EXOC4: variants seen among roughly 807,000 people sequenced by gnomAD.
EXOC4 encodes SEC8-like 1.
Under a neutral mutation model 107.2 loss-of-function variants are expected in EXOC4, and 71 were observed. That is an observed-to-expected ratio of 0.66 (90% CI 0.55 to 0.81). The LOEUF is 0.81. Ranked by LOEUF, EXOC4 falls within the 30% of genes least tolerant of loss-of-function variation. The pLI is 0.00. For missense variants in EXOC4, 1,108 were observed against 1,189.6 expected (o/e 0.93, Z 1.01); for synonymous variants, 456 against 441.2 (o/e 1.03, Z -0.42).
Position 133,469,411 on chromosome 7 carries a change from AT to A in EXOC4, c.1183-5916del, listed in dbSNP as rs374774660. On this transcript the variant is annotated intron_variant, in intron 7 of 17. Transcript: ENST00000253861. Reference sequence around the variant, plus strand: ...AGCCTGGATGACAGAGTGAGACTCCATCTTAAAAATAAATAAATAAATGAAA... The same window carrying A: ...AGCCTGGATGACAGAGTGAGACTCCACTTAAAAATAAATAAATAAATGAAA... Among the ~76,000 whole-genome samples, 439 of 152,232 alleles carry A rather than the reference AT, an allele frequency of 2.9e-3. 3 individuals are homozygous for A. The highest frequency in any genetic ancestry group is 0.01 in the African/African-American group (419 of 41,542).
chr7:133,840,169 TA>T (rs1358109443), intron 11 of EXOC4, among the ~76,000 whole-genome samples: 3 of 152,220 alleles, frequency 2.0e-5, no homozygotes, highest in Non-Finnish European at 4.4e-5. Context: ...GGGGAATAGA[TA>T]CATTTTCATA....
At chr7:133,848,945 G>C (rs1798188847) in intron 11 of EXOC4, among the ~76,000 whole-genome samples, 1 of 152,134 alleles carries the variant, frequency 6.6e-6, no homozygotes, top group African/African-American at 2.4e-5. Flanking sequence ...AGTAAATACA[G>C]TTTTGTTATA....
intron 10 of EXOC4, among the ~76,000 whole-genome samples, chr7:133,691,249 G>A (rs1794412490): frequency 6.6e-6 from 1 of 152,204 alleles, no homozygotes; most frequent in Admixed American, 6.5e-5. Context: ...AGCAGCCATT[G>A]ATGTTAGTGG....
intron 7 of EXOC4, among the ~76,000 whole-genome samples, chr7:133,462,879 C>T (rs971002434): frequency 1.3e-5 from 2 of 152,026 alleles, no homozygotes. Flanking sequence ...GGAACTCATC[C>T]TATAGAGGTT....
intron 10 of EXOC4, among the ~76,000 whole-genome samples, chr7:133,759,085 C>T (rs1795979400): frequency 6.6e-6 from 1 of 152,062 alleles, no homozygotes; most frequent in Admixed American, 6.6e-5. Flanking sequence ...CCAAAAAACC[C>T]CTACGGGCAC....
At chr7:133,537,956 CCTTT>C (rs750608826) in intron 9 of EXOC4, among the ~76,000 whole-genome samples, 5 of 151,996 alleles carry the variant, frequency 3.3e-5, no homozygotes, top group Non-Finnish European at 7.4e-5. Context: ...ATAAATGTTT[CCTTT>C]CTTTAGTAGG....
At chr7:134,013,991 G>C (rs889540524) in intron 17 of EXOC4, among the ~76,000 whole-genome samples, 9 of 152,164 alleles carry the variant, frequency 5.9e-5, no homozygotes, top group Admixed American at 3.3e-4. Flanking sequence ...GTTAAACATA[G>C]AGTTATGGTA....
chr7:133,507,993 G>A (rs924138186), intron 9 of EXOC4, among the ~76,000 whole-genome samples: 1 of 152,110 alleles, frequency 6.6e-6, no homozygotes, highest in Non-Finnish European at 1.5e-5. Context: ...CTGGAAGGCA[G>A]AGGTTGCAGT....
At chr7:133,529,926 C>T (rs1231080454) in intron 9 of EXOC4, among the ~76,000 whole-genome samples, 1 of 152,136 alleles carries the variant, frequency 6.6e-6, no homozygotes, top group African/African-American at 2.4e-5. Context: ...GAAGAAAATA[C>T]CAACCTCTCC....
intron 9 of EXOC4, among the ~76,000 whole-genome samples, chr7:133,585,942 G>A (rs1394242636): frequency 6.6e-6 from 1 of 152,090 alleles, no homozygotes; most frequent in Non-Finnish European, 1.5e-5. Flanking sequence ...TGATCTGCCT[G>A]CCTCGGCCTC....
At chr7:133,307,040 A>G (rs1794768367) in intron 4 of EXOC4, among the ~76,000 whole-genome samples, 1 of 152,202 alleles carries the variant, frequency 6.6e-6, no homozygotes, top group Non-Finnish European at 1.5e-5. Flanking sequence ...TTCAGAGGGC[A>G]TTTCAGCACT....
At chr7:133,816,829 C>T (rs1040480010) in intron 10 of EXOC4, among the ~76,000 whole-genome samples, 5 of 152,138 alleles carry the variant, frequency 3.3e-5, no homozygotes, top group Non-Finnish European at 7.3e-5. Context: ...TGACAGGAGG[C>T]GGAGCTCAGG....
intron 9 of EXOC4, among the ~76,000 whole-genome samples, chr7:133,618,652 A>G (rs1409801943): frequency 6.6e-6 from 1 of 151,994 alleles, no homozygotes; most frequent in East Asian, 1.9e-4. Context: ...AGAACACTTA[A>G]CCTTTTTTCT....
At chr7:133,485,473 C>G (rs913836880) in intron 9 of EXOC4, among the ~76,000 whole-genome samples, 1 of 152,022 alleles carries the variant, frequency 6.6e-6, no homozygotes, top group East Asian at 1.9e-4. Flanking sequence ...ACTCAGTGCC[C>G]GAGCACAGCT....
chr7:133,846,234 T>C (rs532748469), intron 11 of EXOC4, among the ~76,000 whole-genome samples: 4 of 152,362 alleles, frequency 2.6e-5, no homozygotes, highest in African/African-American at 9.6e-5. Context: ...CTCATTACCT[T>C]AGACTTTCAT....
intron 7 of EXOC4, among the ~76,000 whole-genome samples, chr7:133,385,323 T>A (rs1796704651): frequency 6.6e-6 from 1 of 152,222 alleles, no homozygotes; most frequent in South Asian, 2.1e-4. Context: ...TTGTGGACTT[T>A]GTAAGTTTGC....
chr7:133,955,582 G>A (rs1800799023), intron 14 of EXOC4, among the ~76,000 whole-genome samples: 1 of 152,190 alleles, frequency 6.6e-6, no homozygotes, highest in Non-Finnish European at 1.5e-5. Flanking sequence ...TGGCAGCCTG[G>A]CCCCCAGGCT....
At chr7:133,938,651 G>A (rs1800358995) in intron 14 of EXOC4, among the ~76,000 whole-genome samples, 1 of 152,178 alleles carries the variant, frequency 6.6e-6, no homozygotes. Flanking sequence ...TGAAGGACCA[G>A]TGACTTAGAG....
At chr7:134,014,465 C>T (rs1286836523) in intron 17 of EXOC4, among the ~76,000 whole-genome samples, 4 of 152,166 alleles carry the variant, frequency 2.6e-5, no homozygotes, top group Admixed American at 2.6e-4. Flanking sequence ...GTGGTACATT[C>T]ATACAATGGA....
Sources: gnomAD v4.1 joint callset for allele counts (sites outside exome capture counted in the v4.1 genomes callset) on GRCh38, gnomAD v4.1.1 for gene constraint, MANE v1.5 for transcripts, NCBI Gene and HGNC (gene_info 2026-07-23, HGNC 2026-07-21) for gene names.